The following TMEM132D variants were observed in gnomAD, a reference collection of about 807,000 sequenced individuals.
The protein encoded by TMEM132D is transmembrane protein 132D.
In TMEM132D, 21 loss-of-function variants were observed where a neutral mutation model predicts 62.3. The ratio of observed to expected loss-of-function variants is 0.34; its 90% confidence interval spans 0.24 to 0.49. The LOEUF is 0.49. TMEM132D is among the 20% of genes least tolerant of loss of function. The pLI is 0.99. For synonymous variants in TMEM132D, 621 were observed against 575.6 expected (o/e 1.08, Z -1.13); for missense variants, 1,346 against 1,402.8 (o/e 0.96, Z 0.65).
At chr12:129,896,131 G>A (rs1032291647) in intron 1 of TMEM132D, among the ~76,000 whole-genome samples, 6 of 133,654 alleles carry the variant, frequency 4.5e-5, no homozygotes, top group African/African-American at 1.9e-4. Context: ...CACTGCACCT[G>A]GCTCATTTTT....
intron 5 of TMEM132D, among the ~76,000 whole-genome samples, chr12:129,169,267 T>C (rs914528996): frequency 2.0e-5 from 3 of 152,210 alleles, no homozygotes; most frequent in African/African-American, 4.8e-5. Flanking sequence ...CATTGGAGCA[T>C]TCACTCATCC....
intron 2 of TMEM132D, among the ~76,000 whole-genome samples, chr12:129,585,865 C>T (rs1027850170): frequency 1.3e-5 from 2 of 150,016 alleles, no homozygotes; most frequent in African/African-American, 2.5e-5. Context: ...GGGGGTATAT[C>T]TTGATAAATT....
chr12:129,736,906 C>T (rs1467340013), intron 1 of TMEM132D, among the ~76,000 whole-genome samples: 3 of 151,602 alleles, frequency 2.0e-5, no homozygotes, highest in African/African-American at 7.3e-5. Context: ...CAACCTCTGC[C>T]ACCCGGGCTC....
intron 2 of TMEM132D, among the ~76,000 whole-genome samples, chr12:129,585,223 T>A (rs1877990594): frequency 6.6e-6 from 1 of 152,086 alleles, no homozygotes; most frequent in Non-Finnish European, 1.5e-5. Context: ...TTAAAACATA[T>A]GTTATTAAGG....
chr12:129,244,385 C>CAAAAAAAAAAAAAAAAA (rs751155633), intron 4 of TMEM132D, among the ~76,000 whole-genome samples: 3 of 85,222 alleles, frequency 3.5e-5, no homozygotes, highest in South Asian at 4.4e-4. Context: ...GACTCTGTCT[C>CAAAAAAAAAAAAAAAAA]AAAAAAAAAA....
rs11060320 is a variant in TMEM132D at position 129,400,127 on chromosome 12, G to C, written c.1116-62310C>G. 1.4e-4 allele frequency among the ~76,000 whole-genome samples: 21 copies of C among 152,096 alleles called. No homozygotes were observed. In the East Asian group the frequency reaches 3.3e-3, roughly 24 times the overall value. On this transcript the variant is annotated intron_variant, in intron 3 of 8. Coordinates refer to ENST00000422113, the MANE Select transcript of TMEM132D (RefSeq NM_133448.3). ...AAGAATAGGTTCCAAGGAATGAGGA[G>C]AGCCCTGACAGCTTACCTTGTGTCC...
chr12:129,734,315 T>C (rs950652350), intron 1 of TMEM132D, among the ~76,000 whole-genome samples: 2 of 152,218 alleles, frequency 1.3e-5, no homozygotes, highest in African/African-American at 4.8e-5. Flanking sequence ...TTTTTGGTGT[T>C]CCAGCTCCTC....
At chr12:129,320,923 T>C (rs1868679900) in intron 4 of TMEM132D, among the ~76,000 whole-genome samples, 1 of 150,290 alleles carries the variant, frequency 6.7e-6, no homozygotes, top group Non-Finnish European at 1.5e-5. Context: ...AAATGAATAA[T>C]AAAATGAAAG....
intron 3 of TMEM132D, among the ~76,000 whole-genome samples, chr12:129,432,940 C>T (rs1444861340): frequency 1.3e-5 from 2 of 152,128 alleles, no homozygotes; most frequent in East Asian, 3.9e-4. Context: ...TAGAACCTAC[C>T]CCCAGGGTAA....
At chr12:129,776,554 T>A (rs1870930459) in intron 1 of TMEM132D, among the ~76,000 whole-genome samples, 1 of 152,018 alleles carries the variant, frequency 6.6e-6, no homozygotes, top group African/African-American at 2.4e-5. Context: ...TATTCACCCC[T>A]CATGCTTCAT....
chr12:129,367,998 G>A (rs1870476328), intron 3 of TMEM132D, among the ~76,000 whole-genome samples: 1 of 151,998 alleles, frequency 6.6e-6, no homozygotes, highest in Non-Finnish European at 1.5e-5. Context: ...GAGCCTGGTT[G>A]GCCAGGCTGG....
At chr12:129,801,755 A>G (rs931885787) in intron 1 of TMEM132D, among the ~76,000 whole-genome samples, 1 of 148,738 alleles carries the variant, frequency 6.7e-6, no homozygotes, top group Non-Finnish European at 1.5e-5. Context: ...ACGGGAGGAC[A>G]TTCAAACCAA....
intron 3 of TMEM132D, among the ~76,000 whole-genome samples, chr12:129,383,815 T>G (rs1033915919): frequency 2.0e-5 from 3 of 152,170 alleles, no homozygotes; most frequent in African/African-American, 7.2e-5. Context: ...GGCGTCAGAT[T>G]CACATGGATA....
chr12:129,146,496 C>A (rs937659085), intron 5 of TMEM132D, among the ~76,000 whole-genome samples: 1 of 152,138 alleles, frequency 6.6e-6, no homozygotes, highest in African/African-American at 2.4e-5. Flanking sequence ...TCACATCAAC[C>A]CTTAATGTCA....
chr12:129,659,351 C>G (rs918089944), intron 2 of TMEM132D, among the ~76,000 whole-genome samples: 1 of 152,188 alleles, frequency 6.6e-6, no homozygotes, highest in Non-Finnish European at 1.5e-5. Context: ...AGAATTCCAG[C>G]ATGACAAAGC....
intron 5 of TMEM132D, among the ~76,000 whole-genome samples, chr12:129,166,686 CAT>C (rs373972146): frequency 0.21 from 27,933 of 130,492 alleles, 3,062 homozygotes; most frequent in Non-Finnish European, 0.26. Flanking sequence ...TATATATACA[CAT>C]ACACACACAC....
At chr12:129,358,864 A>G (rs982499554) in intron 3 of TMEM132D, among the ~76,000 whole-genome samples, 1 of 152,152 alleles carries the variant, frequency 6.6e-6, no homozygotes, top group African/African-American at 2.4e-5. Flanking sequence ...CCAGAAAAAC[A>G]AAGACAAAAA....
chr12:129,867,419 T>C lies in TMEM132D; in HGVS notation c.79+35842A>G, dbSNP rs1874092951. Among the ~76,000 whole-genome samples the C allele has an allele frequency of 6.6e-6, 1 of 152,114 alleles. No homozygotes were observed. Among genetic ancestry groups the C allele is most frequent in the South Asian group, 2.1e-4 (1 of 4,822 alleles). On this transcript the variant is annotated intron_variant, in intron 1 of 8. Transcript: ENST00000422113. The surrounding 1 kb of genome is among the most constrained non-coding windows in gnomAD (Gnocchi z 4.5). The stretch of plus-strand genomic sequence containing the variant: ...CTAAACTCAGAGGAGCAGAGTAAAA[T>C]GGTAGTTGCCAGGGCTCAGCAACAC...
At chr12:129,170,839 A>G (rs946851373) in intron 5 of TMEM132D, among the ~76,000 whole-genome samples, 3 of 152,096 alleles carry the variant, frequency 2.0e-5, no homozygotes. Flanking sequence ...AAAAATGCTA[A>G]TGATAATCTA....
Sources: allele counts gnomAD v4.1 joint callset (sites outside exome capture counted in the v4.1 genomes callset), GRCh38; gene constraint gnomAD v4.1.1; non-coding constraint Gnocchi (gnomAD v3.1); transcripts MANE v1.5; gene names NCBI Gene and HGNC (gene_info 2026-07-23, HGNC 2026-07-21).